The following MPP4 variants were observed in gnomAD, a reference collection of about 807,000 sequenced individuals.
MPP4 encodes the protein MAGUK p55 scaffold protein 4.
Under a neutral mutation model 98.3 loss-of-function variants are expected in MPP4, and 91 were observed. The observed-to-expected ratio is 0.93, with a 90% confidence interval of 0.78 to 1.10. The LOEUF (loss-of-function observed/expected upper bound fraction) is 1.10, where lower values mean the gene tolerates loss of function less well. MPP4 is among the 50% of genes least tolerant of loss of function. MPP4 has a pLI of 0.00. For missense variants in MPP4, 744 were observed against 792.9 expected, an observed-to-expected ratio of 0.94 and a Z score of 0.74; for synonymous variants, 261 against 271.8, an observed-to-expected ratio of 0.96 and a Z score of 0.39.
chr2:201,669,742 T>C lies in MPP4; in HGVS notation c.1003A>G (p.Met335Val). ...AAATACTATTTCTTACCTTCTTCCA[T>C]AGAAATTGCTGAGTACAAGCAAATG... ...TCLKSTLSIS[M>V]EEEDDMKIDE... is the part of the protein sequence containing the mutation. Residue 335 changes from methionine (M) to valine (V), a missense_variant, in exon 12 of 22, where the codon ATG becomes GTG. Transcript: ENST00000409474. The C allele has an allele frequency of 6.9e-7, 1 of 1,447,004 alleles. No homozygotes were observed. The highest frequency in any genetic ancestry group is 9.2e-7 in the Non-Finnish European group (1 of 1,086,222). 89.6% of individuals were successfully genotyped at this position (1,447,004 alleles called of 1,614,324 possible).
intron 4 of MPP4, among the ~76,000 whole-genome samples, chr2:201,689,924 C>A (rs983737836): frequency 6.6e-6 from 1 of 151,984 alleles, no homozygotes; most frequent in East Asian, 1.9e-4. Flanking sequence ...TATAACATTA[C>A]CCTGTTTATG....
chr2:201,646,086 G>A (rs535454181), intron 21 of MPP4, among the ~76,000 whole-genome samples: 23 of 151,954 alleles, frequency 1.5e-4, no homozygotes, highest in South Asian at 2.1e-4. Flanking sequence ...TTAATGTCTC[G>A]TCATGTTTTG....
intron 11 of MPP4, among the ~76,000 whole-genome samples, chr2:201,673,342 T>C (rs1342764905): frequency 1.3e-5 from 2 of 152,154 alleles, no homozygotes; most frequent in Non-Finnish European, 2.9e-5. Context: ...CACCGCATTT[T>C]CTCACTCATA....
intron 14 of MPP4, among the ~76,000 whole-genome samples, chr2:201,663,192 T>G (rs1688074045): frequency 6.6e-6 from 1 of 152,220 alleles, no homozygotes; most frequent in Non-Finnish European, 1.5e-5. Context: ...TTATGAAAAC[T>G]TTTTGTGTGT....
At position 201,650,116 on chromosome 2, in the gene MPP4, G is replaced by A; in HGVS notation, c.1431C>T (p.His477=). Residue 477 remains histidine, a synonymous_variant, in exon 19 of 22, where the codon CAC becomes CAT. Coordinates refer to ENST00000409474, the MANE Select transcript of MPP4 (RefSeq NM_033066.3). ...KSYEMNGREY[H]YVSKETFENL... ...TTTCAAATGTTTCCTTGGACACATAGTGATACTCACGCCCATTCATTTCGT... is the reference window on the plus strand; with the variant it reads ...TTTCAAATGTTTCCTTGGACACATAATGATACTCACGCCCATTCATTTCGT... 1 of 1,581,562 alleles carries A rather than the reference G, an allele frequency of 6.3e-7. No individual in the cohort carries two copies. The highest frequency in any genetic ancestry group is 8.6e-7 in the Non-Finnish European group (1 of 1,161,654).
intron 10 of MPP4, among the ~76,000 whole-genome samples, chr2:201,676,343 G>A (rs1253683336): frequency 6.6e-6 from 1 of 152,212 alleles, no homozygotes; most frequent in East Asian, 1.9e-4. Flanking sequence ...AGGCATCTAT[G>A]CTATAATCTA....
intron 18 of MPP4, among the ~76,000 whole-genome samples, chr2:201,654,022 A>C (rs189126424): frequency 1.3e-5 from 2 of 152,008 alleles, no homozygotes; most frequent in Non-Finnish European, 2.9e-5. Flanking sequence ...TCTCGCCCAG[A>C]CTGGAGTGCA....
intron 11 of MPP4, among the ~76,000 whole-genome samples, chr2:201,670,974 C>A (rs1462296262): frequency 6.6e-6 from 1 of 152,182 alleles, no homozygotes; most frequent in Non-Finnish European, 1.5e-5. Flanking sequence ...ACTCCCTCCC[C>A]TAGCCAAGGA....
chr2:201,669,807 T>C, intron 11 of MPP4, 57 bp from the exon 12 acceptor site: 3 of 1,256,090 alleles, frequency 2.4e-6, no homozygotes, highest in Non-Finnish European at 3.1e-6. Flanking sequence ...GTATCTGTAC[T>C]ATATTTTCTC....
intron 1 of MPP4, chr2:201,698,205 C>G (rs1374383801): frequency 1.1e-5 from 6 of 533,080 alleles, no homozygotes; most frequent in Non-Finnish European, 1.2e-5. Context: ...CCTACCCTTA[C>G]TATGCTTGTT....
At chr2:201,650,571 C>A in intron 18 of MPP4, 4 of 985,390 alleles carry the variant, frequency 4.1e-6, no homozygotes, top group Non-Finnish European at 4.8e-6. Context: ...CACACTCTTA[C>A]CTTAGGTAAA....
chr2:201,686,812 G>T (rs1045084684), intron 5 of MPP4, among the ~76,000 whole-genome samples: 1 of 152,118 alleles, frequency 6.6e-6, no homozygotes, highest in African/African-American at 2.4e-5. Flanking sequence ...TTGATAAATT[G>T]GTCTCAAATC....
At chr2:201,692,885 C>A in intron 3 of MPP4, 23 bp downstream of exon 3, 2 of 1,601,568 alleles carry the variant, frequency 1.2e-6, no homozygotes, top group East Asian at 2.3e-5. Flanking sequence ...CAAGCAAAGG[C>A]TTCCGAGCAA....
At chr2:201,690,149 G>T (rs1688967018) in intron 4 of MPP4, 53 bp downstream of exon 4, 1 of 1,240,104 alleles carries the variant, frequency 8.1e-7, no homozygotes, top group Non-Finnish European at 1.1e-6. Flanking sequence ...GCAATGTGGG[G>T]AAAATGGCAC....
chr2:201,650,575 A>C, intron 18 of MPP4: 1 of 985,418 alleles, frequency 1.0e-6, no homozygotes, highest in Non-Finnish European at 1.2e-6. Context: ...CTCTTACCTT[A>C]GGTAAACTGT....
At chr2:201,659,014 G>T (rs1289907438) in intron 15 of MPP4, among the ~76,000 whole-genome samples, 2 of 152,104 alleles carry the variant, frequency 1.3e-5, no homozygotes, top group Non-Finnish European at 2.9e-5. Flanking sequence ...TCCTGCCTCA[G>T]CCTCCCGAGT....
chr2:201,658,428 A>G, intron 16 of MPP4, 49 bp downstream of exon 16: 3 of 1,534,754 alleles, frequency 2.0e-6, no homozygotes, highest in Non-Finnish European at 2.7e-6. Context: ...GTTTGGAAAC[A>G]TAATTTAACA....
intron 1 of MPP4, among the ~76,000 whole-genome samples, chr2:201,696,963 C>T (rs1211361371): frequency 6.6e-6 from 1 of 152,172 alleles, no homozygotes; most frequent in Non-Finnish European, 1.5e-5. Context: ...ACCCCCAATT[C>T]AGATGTTGAA....
chr2:201,682,653 G>A (rs1688698019), intron 8 of MPP4, among the ~76,000 whole-genome samples, 178 bp downstream of exon 8: 1 of 152,176 alleles, frequency 6.6e-6, no homozygotes. Flanking sequence ...TCGGGGTAGA[G>A]GAGGGAGGTC....
Sources: allele counts gnomAD v4.1 joint callset (sites outside exome capture counted in the v4.1 genomes callset), GRCh38; gene constraint gnomAD v4.1.1; transcripts MANE v1.5; gene names NCBI Gene and HGNC (gene_info 2026-07-23, HGNC 2026-07-21).